GNB1L: variants seen among roughly 807,000 people sequenced by gnomAD.
GNB1L encodes the protein G protein subunit beta 1 like, also known as guanine nucleotide-binding protein subunit beta-like protein 1.
GNB1L carries 20 observed loss-of-function variants against 29.1 expected under a neutral mutation model. The ratio of observed to expected loss-of-function variants is 0.69; its 90% CI spans 0.48 to 1.00. The LOEUF is 1.00. Among genes scored for constraint, GNB1L ranks in the 50% least tolerant of loss-of-function variants. The probability of loss-of-function intolerance (pLI) is 0.00; values close to 1 mark genes in which losing one functional copy is unlikely to be tolerated. For synonymous variants in GNB1L, 193 were observed against 206.5 expected (o/e 0.93, Z 0.56); for missense variants, 421 against 464.9 (o/e 0.91, Z 0.87).
intron 2 of GNB1L, among the ~76,000 whole-genome samples, chr22:19,829,988 G>A (rs559303807): frequency 2.6e-5 from 4 of 152,252 alleles, no homozygotes; most frequent in East Asian, 1.9e-4. Flanking sequence ...ATAAGCCAAG[G>A]CAATTAGTCA....
At chr22:19,790,588 G>T (rs1357638849) in intron 7 of GNB1L, among the ~76,000 whole-genome samples, 1 of 152,168 alleles carries the variant, frequency 6.6e-6, no homozygotes, top group African/African-American at 2.4e-5. Context: ...AAGACAGGAG[G>T]ATTGCTTGAG....
chr22:19,818,129 C>T (rs1937547335), intron 4 of GNB1L, among the ~76,000 whole-genome samples: 1 of 152,222 alleles, frequency 6.6e-6, no homozygotes. Context: ...GTCCACAGAC[C>T]CCCTGACCCG....
rs768609078 is a variant in GNB1L, at chr22:19,802,114, G to A, written c.619C>T (p.His207Tyr). 1.9e-6 allele frequency: 3 copies of A among 1,613,448 alleles called. No homozygotes were observed. Among genetic ancestry groups the A allele is most frequent in the Non-Finnish European group, 2.5e-6 (3 of 1,179,982 alleles). ...EQKVCSRIAC[H>Y]EEPVMDLDFD... ...TCAAGGTCCATGACGGGCTCCTCAT[G>A]GCAGGCGATGCGGCTGCACACCTTC... is the stretch of plus-strand genomic sequence containing the variant. Residue 207 changes from histidine to tyrosine, a missense_variant, in exon 7 of 8, where the codon CAT (histidine) becomes TAT (tyrosine). Coordinates refer to ENST00000329517, the MANE Select transcript of GNB1L (RefSeq NM_053004.3).
chr22:19,794,609 G>A (rs1313974639), intron 7 of GNB1L, among the ~76,000 whole-genome samples: 1 of 152,182 alleles, frequency 6.6e-6, no homozygotes, highest in Non-Finnish European at 1.5e-5. Context: ...GTATAGAGGT[G>A]TTAGACTTAA....
intron 2 of GNB1L, chr22:19,850,656 G>C: frequency 8.1e-7 from 1 of 1,228,394 alleles, no homozygotes; most frequent in Non-Finnish European, 1.0e-6. Context: ...CCTCCAGGCA[G>C]CCTTCCTCAC....
At chr22:19,820,361 T>C (rs1937568228) in intron 4 of GNB1L, among the ~76,000 whole-genome samples, 1 of 152,156 alleles carries the variant, frequency 6.6e-6, no homozygotes, top group South Asian at 2.1e-4. Context: ...ACCTCCTGGC[T>C]CCAGCTTGGA....
intron 7 of GNB1L, among the ~76,000 whole-genome samples, chr22:19,798,160 C>T (rs894338316): frequency 6.6e-6 from 1 of 152,190 alleles, no homozygotes; most frequent in African/African-American, 2.4e-5. Flanking sequence ...AAGGCCAGCA[C>T]CTGCTGCGCG....
chr22:19,806,568 TG>T, intron 6 of GNB1L, 90 bp downstream of exon 6: 1 of 783,742 alleles, frequency 1.3e-6, no homozygotes, highest in Non-Finnish European at 2.1e-6. Flanking sequence ...GTTGCCTGAG[TG>T]GCTCGACGAT....
chr22:19,792,245 T>G lies in GNB1L; in HGVS notation c.733-3285A>C, dbSNP rs10427767. ...TATCAGATAAAGACTTTAAAGAAAC[T>G]CCTTAACTATGTTCAAAAAATGAAA... is the stretch of plus-strand genomic sequence containing the variant. On this transcript the variant is annotated intron_variant, in intron 7 of 7. Transcript: ENST00000329517. 3.3e-3 allele frequency: 2,084 copies of G among 624,888 alleles called. 39 individuals carry two copies. The highest frequency in any genetic ancestry group is 0.033 in the African/African-American group (1,801 of 54,226). 38.7% of individuals were successfully genotyped at this position (624,888 alleles called of 1,614,324 possible).
chr22:19,785,237 A>T lies in GNB1L; in HGVS notation c.*3472T>A, dbSNP rs985012307. The T allele has an allele frequency of 6.6e-6, 1 of 150,724 alleles. No homozygotes were observed. Among genetic ancestry groups the T allele is most frequent in the East Asian group, 2.0e-4 (1 of 5,050 alleles). The allele number at this position is 150,724 out of a possible 1,614,324, so 9.3% of individuals were successfully genotyped here. A position where few individuals can be genotyped will look rare whatever the true frequency, so the allele number is the denominator to read the frequency against. ...CAACATAGCGAGACTCCTTCTCTAT[A>T]AAAAAAAATAAAAAATTAGCTGGGC... On this transcript the variant is annotated 3_prime_UTR_variant, in exon 8 of 8. Transcript: ENST00000329517. The surrounding 1 kb of genome is among the most constrained non-coding windows in gnomAD (Gnocchi z 4.1).
chr22:19,815,928 C>T (rs997334392), intron 4 of GNB1L, among the ~76,000 whole-genome samples: 7 of 152,190 alleles, frequency 4.6e-5, no homozygotes, highest in Non-Finnish European at 7.4e-5. Flanking sequence ...GAGAACGGCA[C>T]GAAGACCCCG....
chr22:19,797,479 G>A (rs1937319922), intron 7 of GNB1L, among the ~76,000 whole-genome samples: 1 of 152,190 alleles, frequency 6.6e-6, no homozygotes, highest in South Asian at 2.1e-4. Flanking sequence ...AAACCTGTAT[G>A]AGTTGGAGAG....
At chr22:19,791,535 A>G (rs944332723) in intron 7 of GNB1L, among the ~76,000 whole-genome samples, 9 of 152,128 alleles carry the variant, frequency 5.9e-5, no homozygotes, top group Non-Finnish European at 1.2e-4. Flanking sequence ...TAAGCTGAGG[A>G]GGCAGAGATC....
intron 6 of GNB1L, among the ~76,000 whole-genome samples, chr22:19,805,677 G>C (rs1329147150): frequency 6.6e-6 from 1 of 152,200 alleles, no homozygotes; most frequent in Non-Finnish European, 1.5e-5. Context: ...AGCTACTCAG[G>C]AGGCTGAGGC....
chr22:19,852,143 G>C, intron 2 of GNB1L: 1 of 1,614,182 alleles, frequency 6.2e-7, no homozygotes, highest in Non-Finnish European at 8.5e-7. Context: ...CACAAGGGGG[G>C]TGTATGCCAC....
Position 19,786,707 on chromosome 22 carries a change from C to T in GNB1L, c.*2002G>A, listed in dbSNP as rs1338644261. ...CCAATTCCCACTCCACCTACCCTGC[C>T]GCTGTCATGGGGATGTCAGAACCTG... On this transcript the variant is annotated 3_prime_UTR_variant, in exon 8 of 8. Transcript: ENST00000329517. 2 of 152,228 alleles carry T rather than the reference C, an allele frequency of 1.3e-5. No homozygotes were observed. Among genetic ancestry groups the T allele is most frequent in the South Asian group, 2.1e-4 (1 of 4,832 alleles). 9.4% of individuals were successfully genotyped at this position (152,228 alleles called of 1,614,324 possible).
chr22:19,797,407 G>A (rs1370405541), intron 7 of GNB1L, among the ~76,000 whole-genome samples: 2 of 152,162 alleles, frequency 1.3e-5, no homozygotes, highest in Non-Finnish European at 2.9e-5. Flanking sequence ...GACAGACTGA[G>A]GATTTTAGTT....
At chr22:19,841,926 T>C (rs904847875) in intron 2 of GNB1L, among the ~76,000 whole-genome samples, 2 of 152,172 alleles carry the variant, frequency 1.3e-5, no homozygotes, top group African/African-American at 2.4e-5. Flanking sequence ...CGTTCTAGCA[T>C]GAAGATGTTG....
intron 6 of GNB1L, among the ~76,000 whole-genome samples, chr22:19,805,370 C>T (rs1164064531): frequency 6.6e-6 from 1 of 152,272 alleles, no homozygotes; most frequent in Admixed American, 6.5e-5. Context: ...ATGCAGATGC[C>T]CACAAACTGC....
Sources: allele counts gnomAD v4.1 joint callset (sites outside exome capture counted in the v4.1 genomes callset), GRCh38; gene constraint gnomAD v4.1.1; non-coding constraint Gnocchi (gnomAD v3.1); transcripts MANE v1.5; gene names NCBI Gene and HGNC (gene_info 2026-07-23, HGNC 2026-07-21).